Variants in KCNIP4 observed in about 807,000 individuals in gnomAD.
KCNIP4 encodes the protein potassium voltage-gated channel interacting protein 4.
A neutral mutation model predicts 34.0 loss-of-function variants in KCNIP4; 12 were observed. The observed-to-expected ratio is 0.35, with a 90% CI of 0.23 to 0.57. The LOEUF is 0.57. Among genes scored for constraint, KCNIP4 ranks in the 20% least tolerant of loss-of-function variants. The pLI is 0.83. For synonymous variants in KCNIP4, 124 were observed against 102.2 expected, an observed-to-expected ratio of 1.21 and a Z score of -1.29; for missense variants, 238 against 311.7, an observed-to-expected ratio of 0.76 and a Z score of 1.78.
intron 1 of KCNIP4, among the ~76,000 whole-genome samples, chr4:21,358,120 G>A (rs1016790160): frequency 2.6e-5 from 4 of 152,076 alleles, no homozygotes; most frequent in African/African-American, 9.7e-5. Context: ...ATTAAACAAT[G>A]ACAACACTTG....
intron 1 of KCNIP4, among the ~76,000 whole-genome samples, chr4:21,806,344 G>A (rs762423782): frequency 3.9e-5 from 6 of 152,074 alleles, no homozygotes; most frequent in Non-Finnish European, 8.8e-5. Flanking sequence ...CCATCTTGCC[G>A]TTTACAATTC....
At chr4:20,979,907 C>T (rs997279919) in intron 1 of KCNIP4, among the ~76,000 whole-genome samples, 3 of 152,132 alleles carry the variant, frequency 2.0e-5, no homozygotes, top group East Asian at 1.9e-4. Context: ...CCATGTGCAA[C>T]GAGCCATATC....
intron 1 of KCNIP4, among the ~76,000 whole-genome samples, chr4:21,711,018 CCT>C (rs1713679871): frequency 6.6e-6 from 1 of 152,084 alleles, no homozygotes; most frequent in South Asian, 2.1e-4. Flanking sequence ...TAGAGGCACG[CCT>C]ACTACCTATG....
chr4:21,232,347 G>T lies in KCNIP4; in HGVS notation c.62-349638C>A, dbSNP rs73109472. Among the ~76,000 whole-genome samples the T allele has an allele frequency of 3.2e-3, 482 of 152,196 alleles. 4 individuals are homozygous for T. Among genetic ancestry groups the T allele is most frequent in the African/African-American group, 0.011 (451 of 41,534 alleles). On this transcript the variant is annotated intron_variant, in intron 1 of 8. Coordinates refer to ENST00000382152, the MANE Select transcript of KCNIP4 (RefSeq NM_025221.6). ...AACATTTTAATCTACCTATAAAATA[G>T]TTCTTTATCAATGACCATATTGCCA... is the stretch of plus-strand genomic sequence containing the variant.
At chr4:21,748,475 A>G (rs1383481259) in intron 1 of KCNIP4, among the ~76,000 whole-genome samples, 2 of 152,210 alleles carry the variant, frequency 1.3e-5, no homozygotes, top group South Asian at 2.1e-4. Context: ...TTTGCACTAA[A>G]TATCTATTTA....
chr4:21,063,775 A>C (rs1744124730), intron 1 of KCNIP4, among the ~76,000 whole-genome samples: 1 of 152,174 alleles, frequency 6.6e-6, no homozygotes, highest in South Asian at 2.1e-4. Flanking sequence ...AGTGGGAAAA[A>C]AATAGAAGAT....
At chr4:21,738,272 A>G (rs1366013252) in intron 1 of KCNIP4, among the ~76,000 whole-genome samples, 1 of 152,144 alleles carries the variant, frequency 6.6e-6, no homozygotes, top group Non-Finnish European at 1.5e-5. Flanking sequence ...CCACAGTAAA[A>G]TGTTCATTCA....
At chr4:21,001,368 C>T (rs751548730) in intron 1 of KCNIP4, among the ~76,000 whole-genome samples, 5 of 152,140 alleles carry the variant, frequency 3.3e-5, no homozygotes, top group Non-Finnish European at 7.3e-5. Flanking sequence ...TGAGTGACCA[C>T]AAAACCCCTT....
At chr4:21,678,199 G>A (rs1476074034) in intron 1 of KCNIP4, among the ~76,000 whole-genome samples, 4 of 151,898 alleles carry the variant, frequency 2.6e-5, no homozygotes, top group South Asian at 4.1e-4. Flanking sequence ...AGAAGCCATA[G>A]GCAATATATA....
intron 1 of KCNIP4, among the ~76,000 whole-genome samples, chr4:21,889,091 G>A (rs1338432699): frequency 6.6e-6 from 1 of 152,084 alleles, no homozygotes; most frequent in Non-Finnish European, 1.5e-5. Flanking sequence ...GTAAGAAAAT[G>A]ATTGCTTATA....
At chr4:21,538,362 T>G (rs1240975102) in intron 1 of KCNIP4, among the ~76,000 whole-genome samples, 3 of 152,198 alleles carry the variant, frequency 2.0e-5, no homozygotes, top group Non-Finnish European at 4.4e-5. Flanking sequence ...ATGTACCACA[T>G]GCAAGGTGCT....
chr4:21,642,930 A>G (rs766425258), intron 1 of KCNIP4, among the ~76,000 whole-genome samples: 34 of 152,160 alleles, frequency 2.2e-4, no homozygotes, highest in Admixed American at 2.6e-4. Flanking sequence ...TAAAACTATA[A>G]CAACTCAATT....
At chr4:21,180,681 G>A (rs1375626795) in intron 1 of KCNIP4, among the ~76,000 whole-genome samples, 1 of 150,530 alleles carries the variant, frequency 6.6e-6, no homozygotes, top group Non-Finnish European at 1.5e-5. Flanking sequence ...GTGTGTATTT[G>A]TGTGTATATA....
chr4:20,889,538 T>A (rs148266181), intron 1 of KCNIP4, among the ~76,000 whole-genome samples: 54 of 151,826 alleles, frequency 3.6e-4, no homozygotes, highest in African/African-American at 1.3e-3. Context: ...GCGGGGAGGG[T>A]GTCAGTGGAA....
chr4:21,571,918 T>A (rs1012021619), intron 1 of KCNIP4, among the ~76,000 whole-genome samples: 1 of 152,154 alleles, frequency 6.6e-6, no homozygotes, highest in Non-Finnish European at 1.5e-5. Flanking sequence ...ATCAAACTCA[T>A]AGGATATGTA....
intron 1 of KCNIP4, among the ~76,000 whole-genome samples, chr4:21,933,690 G>A (rs1291162337): frequency 6.6e-6 from 1 of 152,084 alleles, no homozygotes; most frequent in Admixed American, 6.6e-5. Context: ...GTGTTCATTG[G>A]AGTGAAGTTG....
At chr4:21,727,484 T>C (rs1227140510) in intron 1 of KCNIP4, among the ~76,000 whole-genome samples, 4 of 152,144 alleles carry the variant, frequency 2.6e-5, no homozygotes, top group African/African-American at 9.7e-5. Context: ...CCAATCTGTG[T>C]TGTTTTGTTA....
At chr4:21,606,599 GTTGT>G (rs940843856) in intron 1 of KCNIP4, among the ~76,000 whole-genome samples, 25 of 151,922 alleles carry the variant, frequency 1.6e-4, no homozygotes, top group Non-Finnish European at 1.5e-5. Context: ...TTTGTTGTTT[GTTGT>G]TTGTTTTTGA....
chr4:21,726,273 A>G (rs1715185379), intron 1 of KCNIP4, among the ~76,000 whole-genome samples: 1 of 152,162 alleles, frequency 6.6e-6, no homozygotes, highest in Admixed American at 6.5e-5. Context: ...CAAGCAATGA[A>G]GCAGTTGTTC....
Sources: allele counts gnomAD v4.1 joint callset (sites outside exome capture counted in the v4.1 genomes callset), GRCh38; gene constraint gnomAD v4.1.1; transcripts MANE v1.5; gene names NCBI Gene and HGNC (gene_info 2026-07-23, HGNC 2026-07-21).